RBFOX1: variants seen among roughly 807,000 people sequenced by gnomAD.
RBFOX1 encodes RNA binding protein fox-1 homolog 1.
Under a neutral mutation model 57.7 loss-of-function variants are expected in RBFOX1, and 8 were observed. That is an observed-to-expected ratio of 0.14 (90% CI 0.08 to 0.25). The LOEUF (loss-of-function observed/expected upper bound fraction) is 0.25, where lower values mean the gene tolerates loss of function less well. RBFOX1 is among the 10% of genes least tolerant of loss of function. The pLI, the probability that RBFOX1 is intolerant of heterozygous loss-of-function variation, is 1.00. For missense variants in RBFOX1, 611 were observed against 548.5 expected, an observed-to-expected ratio of 1.11 and a Z score of -1.14; for synonymous variants, 326 against 222.4, an observed-to-expected ratio of 1.47 and a Z score of -4.15.
chr16:7,547,036 C>T (rs987323762), intron 5 of RBFOX1, among the ~76,000 whole-genome samples: 1 of 152,104 alleles, frequency 6.6e-6, no homozygotes, highest in Non-Finnish European at 1.5e-5. Context: ...GACTGCACGG[C>T]AGTGTCCTGT....
chr16:6,616,683 C>T (rs11861639), intron 2 of RBFOX1, among the ~76,000 whole-genome samples: 11,993 of 152,258 alleles, frequency 0.079, 738 homozygotes, highest in African/African-American at 0.16. Context: ...GATCTACCTG[C>T]CTCTGCCTCC....
At chr16:6,834,383 C>CA (rs1196994875) in intron 3 of RBFOX1, among the ~76,000 whole-genome samples, 1 of 151,912 alleles carries the variant, frequency 6.6e-6, no homozygotes, top group Non-Finnish European at 1.5e-5. Context: ...GGCCCTGATC[C>CA]AAAAAATATT....
intron 3 of RBFOX1, among the ~76,000 whole-genome samples, chr16:5,866,502 C>T (rs903410607): frequency 6.6e-6 from 1 of 152,162 alleles, no homozygotes; most frequent in East Asian, 1.9e-4. Context: ...TAGAAAGCTT[C>T]TTAAGAGTTA....
At chr16:5,605,886 C>T (rs2047558354) in intron 3 of RBFOX1, among the ~76,000 whole-genome samples, 2 of 152,110 alleles carry the variant, frequency 1.3e-5, no homozygotes, top group African/African-American at 4.8e-5. Context: ...GATGCTGTCC[C>T]AACTCCAGGT....
At chr16:7,405,196 C>T (rs746104511) in intron 4 of RBFOX1, among the ~76,000 whole-genome samples, 1 of 152,182 alleles carries the variant, frequency 6.6e-6, no homozygotes, top group Non-Finnish European at 1.5e-5. Flanking sequence ...CTTGACGATA[C>T]AGCAGTGTTT....
At chr16:7,628,785 G>C (rs771042574) in intron 10 of RBFOX1, among the ~76,000 whole-genome samples, 16 of 151,976 alleles carry the variant, frequency 1.1e-4, no homozygotes, top group Non-Finnish European at 1.9e-4. Flanking sequence ...GCTAATTTTT[G>C]TGTTTTTAGT....
intron 2 of RBFOX1, among the ~76,000 whole-genome samples, chr16:6,512,927 T>C (rs1043280910): frequency 7.2e-5 from 11 of 152,228 alleles, no homozygotes; most frequent in African/African-American, 2.2e-4. Context: ...TGGCCTTCTA[T>C]CTTTTGCTGT....
intron 2 of RBFOX1, among the ~76,000 whole-genome samples, chr16:6,342,363 A>G (rs1414537750): frequency 6.6e-6 from 1 of 152,190 alleles, no homozygotes; most frequent in Non-Finnish European, 1.5e-5. Context: ...TAGATTAAAA[A>G]CAAGTAGAAA....
intron 4 of RBFOX1, among the ~76,000 whole-genome samples, chr16:7,426,533 T>G (rs1202658632): frequency 1.3e-5 from 2 of 152,044 alleles, no homozygotes; most frequent in South Asian, 4.1e-4. Context: ...CTAGGAAAAT[T>G]AGGAAGGAGA....
intron 4 of RBFOX1, among the ~76,000 whole-genome samples, chr16:7,452,467 C>T (rs1019232286): frequency 6.6e-6 from 1 of 152,190 alleles, no homozygotes; most frequent in Non-Finnish European, 1.5e-5. Flanking sequence ...GTTGCAAATG[C>T]TTGTCTTTCC....
intron 4 of RBFOX1, among the ~76,000 whole-genome samples, chr16:7,484,859 T>G (rs1172920129): frequency 6.6e-6 from 1 of 152,206 alleles, no homozygotes; most frequent in Non-Finnish European, 1.5e-5. Flanking sequence ...TCTGATTTAA[T>G]GGCCACCTTT....
chr16:5,971,931 G>A (rs2059969087), intron 4 of RBFOX1, among the ~76,000 whole-genome samples: 2 of 152,208 alleles, frequency 1.3e-5, no homozygotes, highest in African/African-American at 4.8e-5. Flanking sequence ...CTGAAGGCCT[G>A]AACAGAGCAG....
chr16:6,830,718 G>C (rs561844635), intron 3 of RBFOX1, among the ~76,000 whole-genome samples: 1 of 152,168 alleles, frequency 6.6e-6, no homozygotes, highest in Non-Finnish European at 1.5e-5. Flanking sequence ...CTCTATCATG[G>C]TTAAAATATG....
At chr16:6,539,284 C>T (rs2096778683) in intron 2 of RBFOX1, among the ~76,000 whole-genome samples, 1 of 152,120 alleles carries the variant, frequency 6.6e-6, no homozygotes, top group African/African-American at 2.4e-5. Flanking sequence ...CTTCAATTTC[C>T]TTGTGCCTCT....
At chr16:6,824,157 C>T (rs1044624677) in intron 3 of RBFOX1, among the ~76,000 whole-genome samples, 1 of 152,216 alleles carries the variant, frequency 6.6e-6, no homozygotes, top group African/African-American at 2.4e-5. Flanking sequence ...GTAATCCCAG[C>T]ACTTTGGGAG....
intron 4 of RBFOX1, among the ~76,000 whole-genome samples, chr16:7,072,659 TTC>T (rs1452092309): frequency 6.6e-6 from 1 of 152,214 alleles, no homozygotes; most frequent in African/African-American, 2.4e-5. Context: ...TCAGAGGATC[TTC>T]TGTTTTTTGC....
intron 3 of RBFOX1, among the ~76,000 whole-genome samples, chr16:6,983,064 C>T (rs942444979): frequency 7.1e-6 from 1 of 140,490 alleles, no homozygotes; most frequent in Non-Finnish European, 1.5e-5. Flanking sequence ...AGTTATCTAA[C>T]ATCACATTAC....
chr16:5,813,338 G>T (rs554416597), intron 3 of RBFOX1, among the ~76,000 whole-genome samples: 1 of 152,080 alleles, frequency 6.6e-6, no homozygotes, highest in Non-Finnish European at 1.5e-5. Context: ...AACCATTATG[G>T]TTCCAGAACT....
chr16:5,536,284 G>A (rs1345050660), intron 2 of RBFOX1, among the ~76,000 whole-genome samples: 1 of 145,672 alleles, frequency 6.9e-6, no homozygotes, highest in South Asian at 2.2e-4. Flanking sequence ...GCCTAGGCTG[G>A]AGTGCAGTGG....
Sources: allele counts gnomAD v4.1 joint callset (sites outside exome capture counted in the v4.1 genomes callset), GRCh38; gene constraint gnomAD v4.1.1; transcripts MANE v1.5; gene names NCBI Gene and HGNC (gene_info 2026-07-23, HGNC 2026-07-21).